LYPD6: variants seen among roughly 807,000 people sequenced by gnomAD.
LYPD6 encodes the protein ly6/PLAUR domain-containing protein 6.
LYPD6 carries 15 observed loss-of-function variants against 22.7 expected under a neutral mutation model. That is an observed-to-expected ratio of 0.66 (90% CI 0.44 to 1.02). LYPD6 has a LOEUF of 1.02. Ranked by LOEUF, LYPD6 falls within the 50% of genes least tolerant of loss-of-function variation. The probability of loss-of-function intolerance (pLI) is 0.00; values close to 1 mark genes in which losing one functional copy is unlikely to be tolerated. For missense variants in LYPD6, 189 were observed against 208.4 expected (o/e 0.91, Z 0.57); for synonymous variants, 72 against 77.5 (o/e 0.93, Z 0.37).
chr2:149,383,501 T>G (rs1326547867), intron 1 of LYPD6, among the ~76,000 whole-genome samples: 1 of 152,152 alleles, frequency 6.6e-6, no homozygotes, highest in Non-Finnish European at 1.5e-5. Context: ...CGTTGCCACA[T>G]GTACAGTCCA....
At chr2:149,360,685 C>T (rs1242103098) in intron 1 of LYPD6, among the ~76,000 whole-genome samples, 1 of 151,894 alleles carries the variant, frequency 6.6e-6, no homozygotes, top group East Asian at 1.9e-4. Flanking sequence ...ACTGTCTCCA[C>T]TGCCTCTGGA....
At chr2:149,436,277 G>C (rs1036011381) in intron 1 of LYPD6, among the ~76,000 whole-genome samples, 2 of 152,128 alleles carry the variant, frequency 1.3e-5, no homozygotes, top group Non-Finnish European at 2.9e-5. Context: ...TATCAAAACT[G>C]TTTGTTTTCA....
chr2:149,435,296 A>G (rs1327552072), intron 1 of LYPD6, among the ~76,000 whole-genome samples: 1 of 152,200 alleles, frequency 6.6e-6, no homozygotes, highest in Non-Finnish European at 1.5e-5. Context: ...TAACTCATAC[A>G]CCATGGATTT....
At chr2:149,454,309 C>G (rs1038509749) in intron 3 of LYPD6, among the ~76,000 whole-genome samples, 5 of 152,270 alleles carry the variant, frequency 3.3e-5, no homozygotes, top group Admixed American at 3.3e-4. Context: ...TCATTATACT[C>G]CATCCCCAAA....
intron 2 of LYPD6, among the ~76,000 whole-genome samples, chr2:149,441,424 G>A (rs748133180): frequency 6.6e-5 from 10 of 152,126 alleles, no homozygotes; most frequent in Admixed American, 3.9e-4. Context: ...TCCTCATTCC[G>A]ATGCCCAGAA....
At chr2:149,408,561 C>T (rs1163187596) in intron 1 of LYPD6, among the ~76,000 whole-genome samples, 1 of 152,158 alleles carries the variant, frequency 6.6e-6, no homozygotes, top group Non-Finnish European at 1.5e-5. Flanking sequence ...TAGAGTTGGA[C>T]ATTTAACAGA....
At chr2:149,366,764 G>A (rs77637643) in intron 1 of LYPD6, among the ~76,000 whole-genome samples, 6,380 of 152,242 alleles carry the variant, frequency 0.042, 468 homozygotes, top group African/African-American at 0.15. Flanking sequence ...AATGAACCAT[G>A]AATGCTAACA....
In LYPD6 at chr2:149,342,526, A is replaced by C. The variant is rs529797280; in HGVS notation, c.-72+11804A>C. Among the ~76,000 whole-genome samples the C allele has an allele frequency of 1.5e-3, 221 of 152,314 alleles. 3 individuals are homozygous for C. Among genetic ancestry groups the C allele is most frequent in the Non-Finnish European group, 2.8e-3 (188 of 68,028 alleles). ...TCCTTATCTTCCTAGAGTAAACCAG[A>C]GGCCAATATAGCAAATTTACTATGT... On this transcript the variant is annotated intron_variant, in intron 1 of 4. Transcript: ENST00000334166.
intron 1 of LYPD6, among the ~76,000 whole-genome samples, chr2:149,405,328 C>T (rs1192922087): frequency 6.6e-6 from 1 of 152,106 alleles, no homozygotes; most frequent in East Asian, 1.9e-4. Context: ...CCTCCTTGTA[C>T]CTCTGGTAGA....
intron 1 of LYPD6, among the ~76,000 whole-genome samples, chr2:149,379,424 A>AT (rs1573755304): frequency 6.6e-6 from 1 of 152,216 alleles, no homozygotes. Context: ...TAAGAAAAAA[A>AT]TTTTAAAAGT....
At chr2:149,363,665 A>G (rs141884734) in intron 1 of LYPD6, among the ~76,000 whole-genome samples, 7 of 152,304 alleles carry the variant, frequency 4.6e-5, no homozygotes, top group Non-Finnish European at 7.3e-5. Context: ...TTGTTAAATC[A>G]TTCCTTTTCT....
chr2:149,436,553 G>T (rs1375858995), intron 1 of LYPD6, among the ~76,000 whole-genome samples: 4 of 152,104 alleles, frequency 2.6e-5, no homozygotes, highest in Admixed American at 6.5e-5. Context: ...ATCACTTAGT[G>T]CTATAGCGAT....
At chr2:149,375,779 C>T (rs549139130) in intron 1 of LYPD6, among the ~76,000 whole-genome samples, 4 of 152,212 alleles carry the variant, frequency 2.6e-5, no homozygotes, top group South Asian at 4.1e-4. Flanking sequence ...CTGGGTTTGA[C>T]AGGTGGAAGG....
At chr2:149,408,752 A>T (rs1035170192) in intron 1 of LYPD6, among the ~76,000 whole-genome samples, 1 of 152,176 alleles carries the variant, frequency 6.6e-6, no homozygotes, top group African/African-American at 2.4e-5. Flanking sequence ...TGATTTACAG[A>T]AGGTGTGATT....
intron 1 of LYPD6, among the ~76,000 whole-genome samples, chr2:149,358,904 T>C (rs556129639): frequency 6.6e-6 from 1 of 152,276 alleles, no homozygotes; most frequent in East Asian, 1.9e-4. Context: ...GAATTATTGC[T>C]ATGGGCAGTG....
At chr2:149,452,948 T>G (rs11694464) in intron 3 of LYPD6, among the ~76,000 whole-genome samples, 12,961 of 152,232 alleles carry the variant, frequency 0.085, 695 homozygotes, top group South Asian at 0.14. Flanking sequence ...TATAAGGGCG[T>G]TCTCCTCCAT....
intron 1 of LYPD6, among the ~76,000 whole-genome samples, chr2:149,429,229 A>G (rs1012106649): frequency 6.6e-6 from 1 of 152,160 alleles, no homozygotes; most frequent in South Asian, 2.1e-4. Context: ...CCAAAGATGG[A>G]CCTCCCTCCT....
rs759079112 is a variant in LYPD6 at position 149,449,122 on chromosome 2, G to A, written c.192G>A (p.Trp64Ter). The A allele has an allele frequency of 6.8e-6, 11 of 1,612,934 alleles. No individual in the cohort carries two copies. In the Admixed American group the frequency reaches 1.7e-4, roughly 24 times the overall value. The change falls in exon 3 of 5, where the codon TGG becomes TGA. Residue 64 changes from tryptophan (W) to a stop codon, truncating the protein, a stop_gained. Transcript: ENST00000334166. LOFTEE classifies it high-confidence loss of function. ...KAADNYECNR[W>*]APDIYCPRET... ...CAGACAATTATGAGTGCAACCGATG[G>A]GCTCCAGACATCTACTGCCCTCGAG...
intron 1 of LYPD6, among the ~76,000 whole-genome samples, chr2:149,368,912 T>G (rs1031322286): frequency 1.3e-5 from 2 of 152,142 alleles, no homozygotes; most frequent in Admixed American, 6.5e-5. Flanking sequence ...GTGGGGTGAC[T>G]CGCCAGTCTA....
Sources: gnomAD v4.1 joint callset for allele counts (sites outside exome capture counted in the v4.1 genomes callset) on GRCh38, gnomAD v4.1.1 for gene constraint, MANE v1.5 for transcripts, NCBI Gene and HGNC (gene_info 2026-07-23, HGNC 2026-07-21) for gene names.